The following SMOX variants were observed in gnomAD, a reference collection of about 807,000 sequenced individuals.
SMOX encodes the protein flavin containing amine oxidase.
A neutral mutation model predicts 51.0 loss-of-function variants in SMOX; 22 were observed. The observed-to-expected ratio is 0.43, with a 90% CI of 0.31 to 0.62. The LOEUF is 0.62. Ranked by LOEUF, SMOX falls within the 20% of genes least tolerant of loss-of-function variation. SMOX has a pLI of 0.10. For missense variants in SMOX, 566 were observed against 777.7 expected, an observed-to-expected ratio of 0.73 and a Z score of 3.24; for synonymous variants, 282 against 307.8, an observed-to-expected ratio of 0.92 and a Z score of 0.88.
chr20:4,187,495 T>C lies in SMOX; in HGVS notation c.*88T>C. 1.3e-6 allele frequency: 2 copies of C among 1,542,194 alleles called. No homozygotes were observed. Among genetic ancestry groups the C allele is most frequent in the Non-Finnish European group, 1.8e-6 (2 of 1,141,626 alleles). On this transcript the variant is annotated 3_prime_UTR_variant, in exon 7 of 7. Transcript: ENST00000305958. The surrounding 1 kb of genome is among the most constrained non-coding windows in gnomAD (Gnocchi z 4.8). Reference sequence around the variant, plus strand: ...GTGTGCTCCTGCCTTCCTGATCCTCTGTAGAAAGGATTTTTATCTTCTGTA... The same window carrying C: ...GTGTGCTCCTGCCTTCCTGATCCTCCGTAGAAAGGATTTTTATCTTCTGTA...
At chr20:4,169,957 A>G (rs1167152668) in intron 1 of SMOX, among the ~76,000 whole-genome samples, 1 of 151,972 alleles carries the variant, frequency 6.6e-6, no homozygotes, top group Non-Finnish European at 1.5e-5. Context: ...TGTGATTGAG[A>G]ACTGAAGCTA....
intron 6 of SMOX, among the ~76,000 whole-genome samples, chr20:4,184,676 G>A (rs947795578): frequency 4.6e-5 from 7 of 152,112 alleles, no homozygotes; most frequent in African/African-American, 9.7e-5. Flanking sequence ...CCTGCCCAAC[G>A]GTGCTCAGAT....
rs1978520344 is a variant in SMOX, at chr20:4,172,835, C to T, written c.-26-2195C>T. Among the ~76,000 whole-genome samples, 2 of 151,404 alleles carry T rather than the reference C, an allele frequency of 1.3e-5. No homozygotes were observed. Among genetic ancestry groups the T allele is most frequent in the South Asian group, 2.1e-4 (1 of 4,774 alleles). Reference sequence around the variant, plus strand: ...AGGGGGGGTGGTGGAGGGAGGATTCCCGTCCAGGCCCAGGCATCGCGGGGG... The same window carrying T: ...AGGGGGGGTGGTGGAGGGAGGATTCTCGTCCAGGCCCAGGCATCGCGGGGG... On this transcript the variant is annotated intron_variant, in intron 1 of 6. Transcript: ENST00000305958. The surrounding 1 kb of genome is among the most constrained non-coding windows in gnomAD (Gnocchi z 7.7).
chr20:4,182,452 G>A lies in SMOX; in HGVS notation c.973G>A (p.Ala325Thr). The change falls in exon 5 of 7, where the codon GCG (alanine) becomes ACG (threonine). Residue 325 changes from alanine to threonine, a missense_variant. Coordinates refer to ENST00000305958, the MANE Select transcript of SMOX (RefSeq NM_175839.3). This position sits in a 1 kb window ranked among gnomAD's most constrained non-coding sequence, Gnocchi z 8.4. ...GTGCGAGGACTGTGAGCTGATCCCG[G>A]CGGACCATGTGATTGTGACCGTGTC... ...VECEDCELIP[A>T]DHVIVTVSLG... 1.2e-6 allele frequency: 2 copies of A among 1,600,470 alleles called. No individual in the cohort carries two copies. The highest frequency in any genetic ancestry group is 1.7e-6 in the Non-Finnish European group (2 of 1,172,498).
chr20:4,155,264 C>A (rs1985956167), intron 1 of SMOX, among the ~76,000 whole-genome samples: 1 of 152,164 alleles, frequency 6.6e-6, no homozygotes, highest in South Asian at 2.1e-4. Context: ...AGCTGCCGGG[C>A]CATCACCCCA....
In SMOX at chr20:4,182,913, TG is replaced by T; in HGVS notation, c.1369+67del. On this transcript the variant is annotated intron_variant, in intron 5 of 6. Coordinates refer to ENST00000305958, the MANE Select transcript of SMOX (RefSeq NM_175839.3). This position sits in a 1 kb window ranked among gnomAD's most constrained non-coding sequence, Gnocchi z 8.4. ...TTCTTCCTCACCTGCCCTCCTCTGG[TG>T]GACCCATGGCAGCTCTCTCCTCCCC... 6.5e-7 allele frequency: 1 copy of T among 1,532,450 alleles called. No homozygotes were observed. Among genetic ancestry groups the T allele is most frequent in the South Asian group, 1.3e-5 (1 of 79,588 alleles). 94.9% of individuals were successfully genotyped at this position (1,532,450 alleles called of 1,614,324 possible).
intron 1 of SMOX, among the ~76,000 whole-genome samples, chr20:4,157,314 A>G (rs1197221733): frequency 6.6e-6 from 1 of 152,084 alleles, no homozygotes; most frequent in African/African-American, 2.4e-5. Flanking sequence ...GACCCTGGGG[A>G]GGGCCCTGTC....
Position 4,181,459 on chromosome 20 carries a change from G to A in SMOX, c.436-344G>A, listed in dbSNP as rs1340960786. 6.6e-6 allele frequency among the ~76,000 whole-genome samples: 1 copy of A among 152,232 alleles called. No homozygotes were observed. The highest frequency in any genetic ancestry group is 1.5e-5 in the Non-Finnish European group (1 of 68,034). On this transcript the variant is annotated intron_variant, in intron 3 of 6. Transcript: ENST00000305958. This position sits in a 1 kb window ranked among gnomAD's most constrained non-coding sequence, Gnocchi z 5.6. ...GTGTGCAAATGCCCATCCTCCAGTG[G>A]GAGGTGGAGCCCATGGAGGCCCATG... is the stretch of plus-strand genomic sequence containing the variant.
intron 3 of SMOX, among the ~76,000 whole-genome samples, chr20:4,178,611 A>G (rs961289420): frequency 6.6e-6 from 1 of 152,104 alleles, no homozygotes; most frequent in Non-Finnish European, 1.5e-5. Flanking sequence ...TAGTGTAATG[A>G]ATGATCCTTC....
intron 1 of SMOX, among the ~76,000 whole-genome samples, chr20:4,174,812 C>T (rs372068317): frequency 6.6e-6 from 1 of 152,156 alleles, no homozygotes; most frequent in East Asian, 1.9e-4. Context: ...TTCCTTTTCT[C>T]CTCCCTTCCT....
rs1986191713 is a variant in SMOX, at chr20:4,159,221, C to T, written c.-27+10244C>T. On this transcript the variant is annotated intron_variant, in intron 1 of 6. Transcript: ENST00000305958. ...CTGCCCCCTGGGTTCAAGCGATTCTCCTGCCTTAGCCTCCCAAGTAGCTAG... is the reference window on the plus strand; with the variant it reads ...CTGCCCCCTGGGTTCAAGCGATTCTTCTGCCTTAGCCTCCCAAGTAGCTAG... 2.0e-5 allele frequency among the ~76,000 whole-genome samples: 3 copies of T among 152,204 alleles called. 1 individual carries two copies. Among genetic ancestry groups the T allele is most frequent in the South Asian group, 4.2e-4 (2 of 4,816 alleles).
intron 1 of SMOX, among the ~76,000 whole-genome samples, chr20:4,161,306 G>A (rs1986304818): frequency 2.0e-5 from 3 of 152,208 alleles, no homozygotes; most frequent in Admixed American, 6.5e-5. Flanking sequence ...GTGTTTGGGG[G>A]TGTGCCTGGC....
chr20:4,154,100 G>A (rs6139331), intron 1 of SMOX, among the ~76,000 whole-genome samples: 8,996 of 152,240 alleles, frequency 0.059, 411 homozygotes, highest in East Asian at 0.22. Context: ...AGGAGAGGAT[G>A]GCCTTCCTAA....
intron 1 of SMOX, among the ~76,000 whole-genome samples, chr20:4,168,883 C>CTATTTTATTTTATTT (rs11467242): frequency 2.2e-3 from 282 of 128,608 alleles, no homozygotes; most frequent in African/African-American, 5.9e-3. Flanking sequence ...AATTAATGCT[C>CTATTTTATTTTATTT]TATTTTATTT....
At chr20:4,168,352 C>T (rs1044105441) in intron 1 of SMOX, among the ~76,000 whole-genome samples, 1 of 152,112 alleles carries the variant, frequency 6.6e-6, no homozygotes, top group African/African-American at 2.4e-5. Context: ...GGCACTTCAG[C>T]TGGTGGAGTC....
rs1978432551 is a variant in SMOX at position 4,172,078 on chromosome 20, C to G, written c.-26-2952C>G. Among the ~76,000 whole-genome samples, 1 of 152,180 alleles carries G rather than the reference C, an allele frequency of 6.6e-6. No homozygotes were observed. Among genetic ancestry groups the G allele is most frequent in the Admixed American group, 6.5e-5 (1 of 15,286 alleles). ...TCCAGGGAGCCTGGGGTGAGGGGGA[C>G]CCCCAGTTTAATACCTGCTACACCC... is the stretch of plus-strand genomic sequence containing the variant. On this transcript the variant is annotated intron_variant, in intron 1 of 6. Coordinates refer to ENST00000305958, the MANE Select transcript of SMOX (RefSeq NM_175839.3). This position sits in a 1 kb window ranked among gnomAD's most constrained non-coding sequence, Gnocchi z 7.7.
intron 6 of SMOX, among the ~76,000 whole-genome samples, chr20:4,184,043 G>A (rs548534246): frequency 1.3e-5 from 2 of 151,580 alleles, no homozygotes; most frequent in South Asian, 2.1e-4. Context: ...ATAGTGGTGT[G>A]ATCACAGCTC....
Position 4,177,872 on chromosome 20 carries a change from C to CT in SMOX, c.435+302dup, listed in dbSNP as rs1244075756. On this transcript the variant is annotated intron_variant, in intron 3 of 6. Transcript: ENST00000305958. The surrounding 1 kb of genome is among the most constrained non-coding windows in gnomAD (Gnocchi z 4.3). ...TCTACACAAAAAATGAGAATTTTGT[C>CT]TTTTTTTCCTTTCTAGTCATTAGAC... Among the ~76,000 whole-genome samples, 2 of 152,018 alleles carry CT rather than the reference C, an allele frequency of 1.3e-5. No homozygotes were observed. The highest frequency in any genetic ancestry group is 2.4e-5 in the African/African-American group (1 of 41,404).
At chr20:4,186,769 T>C (rs555963375) in intron 6 of SMOX, 1 of 781,078 alleles carries the variant, frequency 1.3e-6, no homozygotes, top group South Asian at 1.3e-5. Flanking sequence ...AGCAGCAGCC[T>C]GGTCACCTTT....
Sources: allele counts gnomAD v4.1 joint callset (sites outside exome capture counted in the v4.1 genomes callset), GRCh38; gene constraint gnomAD v4.1.1; non-coding constraint Gnocchi (gnomAD v3.1); transcripts MANE v1.5; gene names NCBI Gene and HGNC (gene_info 2026-07-23, HGNC 2026-07-21).